Variants in SGPP1 observed in about 807,000 individuals in gnomAD.
The protein encoded by SGPP1 is hSPP1.
In SGPP1, 21 loss-of-function variants were observed where a neutral mutation model predicts 33.0. That is an observed-to-expected ratio of 0.64 (90% CI 0.45 to 0.92). SGPP1 has a LOEUF of 0.92. SGPP1 is among the 40% of genes least tolerant of loss of function. The probability of loss-of-function intolerance (pLI) is 0.00; values close to 1 mark genes in which losing one functional copy is unlikely to be tolerated. For synonymous variants in SGPP1, 239 were observed against 241.2 expected, an observed-to-expected ratio of 0.99 and a Z score of 0.08; for missense variants, 543 against 589.4, an observed-to-expected ratio of 0.92 and a Z score of 0.81.
At chr14:63,715,446 A>C (rs935433722) in intron 1 of SGPP1, among the ~76,000 whole-genome samples, 9 of 152,186 alleles carry the variant, frequency 5.9e-5, no homozygotes, top group African/African-American at 2.2e-4. Flanking sequence ...TGACTTATGA[A>C]GCATTCTGTT....
rs374359664 is a variant in SGPP1, at chr14:63,693,090, G to C, written c.774+5479C>G. Among the ~76,000 whole-genome samples the C allele has an allele frequency of 3.3e-3, 497 of 152,160 alleles. 1 individual carries two copies. Among genetic ancestry groups the C allele is most frequent in the African/African-American group, 0.012 (478 of 41,496 alleles). ...ACCACAGGCACACACCACCACACCT[G>C]GCTAACTTCTTGTATTTTTTTTTAT... is the stretch of plus-strand genomic sequence containing the variant. On this transcript the variant is annotated intron_variant, in intron 2 of 2. Coordinates refer to ENST00000247225, the MANE Select transcript of SGPP1 (RefSeq NM_030791.4).
At chr14:63,717,742 A>G (rs183490662) in intron 1 of SGPP1, among the ~76,000 whole-genome samples, 120 of 152,346 alleles carry the variant, frequency 7.9e-4, no homozygotes, top group Middle Eastern at 6.8e-3. Flanking sequence ...ATTCAAGCTC[A>G]ATGACCTCAA....
At chr14:63,697,323 A>C (rs1248372473) in intron 2 of SGPP1, among the ~76,000 whole-genome samples, 1 of 152,182 alleles carries the variant, frequency 6.6e-6, no homozygotes, top group Non-Finnish European at 1.5e-5. Context: ...TGAGATAGAA[A>C]CCAACATTTC....
At chr14:63,717,979 T>A (rs962812726) in intron 1 of SGPP1, among the ~76,000 whole-genome samples, 2 of 152,216 alleles carry the variant, frequency 1.3e-5, no homozygotes, top group East Asian at 3.9e-4. Context: ...GGCACAGTGG[T>A]TTACAACTGT....
At chr14:63,722,107 C>T (rs1278779286) in intron 1 of SGPP1, among the ~76,000 whole-genome samples, 1 of 152,136 alleles carries the variant, frequency 6.6e-6, no homozygotes, top group Admixed American at 6.6e-5. Context: ...AATATAACCT[C>T]CCTGTACCTC....
intron 1 of SGPP1, among the ~76,000 whole-genome samples, chr14:63,706,282 C>T (rs985512557): frequency 1.3e-5 from 2 of 152,032 alleles, no homozygotes; most frequent in Non-Finnish European, 2.9e-5. Flanking sequence ...GAGAGAGAAA[C>T]GGGGAGCCAA....
At chr14:63,708,198 A>G (rs1885452902) in intron 1 of SGPP1, among the ~76,000 whole-genome samples, 1 of 142,414 alleles carries the variant, frequency 7.0e-6, no homozygotes, top group South Asian at 2.2e-4. Flanking sequence ...TTCTATTCCT[A>G]CCTAACCCAA....
At chr14:63,719,852 T>C (rs1385123611) in intron 1 of SGPP1, among the ~76,000 whole-genome samples, 6 of 151,268 alleles carry the variant, frequency 4.0e-5, no homozygotes, top group African/African-American at 7.3e-5. Flanking sequence ...CGGTGGCTCA[T>C]GCCTGTAATC....
intron 1 of SGPP1, among the ~76,000 whole-genome samples, chr14:63,722,473 G>A (rs1885791252): frequency 1.3e-5 from 2 of 151,626 alleles, no homozygotes; most frequent in African/African-American, 4.8e-5. Context: ...AGAGGTTGCA[G>A]TGAGCCAATA....
chr14:63,692,835 G>A (rs1885114581), intron 2 of SGPP1, among the ~76,000 whole-genome samples: 1 of 152,078 alleles, frequency 6.6e-6, no homozygotes, highest in Admixed American at 6.6e-5. Flanking sequence ...CTGATCAACT[G>A]GATTTTATTT....
chr14:63,719,395 A>T (rs1436647103), intron 1 of SGPP1, among the ~76,000 whole-genome samples: 1 of 152,046 alleles, frequency 6.6e-6, no homozygotes, highest in Non-Finnish European at 1.5e-5. Context: ...AAAGCATAGG[A>T]AACCAGATAC....
intron 1 of SGPP1, among the ~76,000 whole-genome samples, chr14:63,705,070 T>TG (rs1401511518): frequency 6.6e-6 from 1 of 151,416 alleles, no homozygotes; most frequent in African/African-American, 2.4e-5. Flanking sequence ...GGGGTTGCAG[T>TG]GAGCCGAGAT....
chr14:63,725,314 C>T (rs1885856951), intron 1 of SGPP1, among the ~76,000 whole-genome samples: 1 of 152,116 alleles, frequency 6.6e-6, no homozygotes, highest in Admixed American at 6.5e-5. Flanking sequence ...GCAGAGGTTG[C>T]AGTGAGCCGA....
chr14:63,726,886 G>C (rs1268940130), intron 1 of SGPP1, among the ~76,000 whole-genome samples: 1 of 152,154 alleles, frequency 6.6e-6, no homozygotes, highest in Non-Finnish European at 1.5e-5. Context: ...ATATTACGGT[G>C]AAACTGGGTC....
intron 1 of SGPP1, among the ~76,000 whole-genome samples, chr14:63,720,141 A>C (rs1885740179): frequency 1.3e-5 from 2 of 151,176 alleles, no homozygotes; most frequent in Admixed American, 6.6e-5. Flanking sequence ...AAAAAAAAAA[A>C]AACATGCTGG....
At chr14:63,697,985 G>T (rs1219402215) in intron 2 of SGPP1, among the ~76,000 whole-genome samples, 7 of 152,206 alleles carry the variant, frequency 4.6e-5, no homozygotes, top group African/African-American at 1.7e-4. Context: ...AGCTAAGGGG[G>T]TGTCAATAGG....
intron 1 of SGPP1, among the ~76,000 whole-genome samples, chr14:63,717,135 A>G (rs1885647641): frequency 6.6e-6 from 1 of 152,120 alleles, no homozygotes; most frequent in African/African-American, 2.4e-5. Context: ...ACCCTATCCT[A>G]CTTGATAAAA....
intron 1 of SGPP1, among the ~76,000 whole-genome samples, chr14:63,701,147 T>C (rs1344266109): frequency 6.6e-6 from 1 of 151,978 alleles, no homozygotes; most frequent in Non-Finnish European, 1.5e-5. Flanking sequence ...TCCAGCTGAT[T>C]TTTTAAAAAA....
At position 63,685,969 on chromosome 14, in the gene SGPP1, T is replaced by TCTTATGAATTTA. The variant is rs1884963112; in HGVS notation, c.*124_*135dup. ...ATGTGCAATGATAAAATGCACTGAC[T>TCTTATGAATTTA]CTTATGAATTTACTTAAATAATTAT... On this transcript the variant is annotated 3_prime_UTR_variant, in exon 3 of 3. Transcript: ENST00000247225. 2 of 560,402 alleles carry TCTTATGAATTTA rather than the reference T, an allele frequency of 3.6e-6. No individual in the cohort carries two copies. Among genetic ancestry groups the TCTTATGAATTTA allele is most frequent in the Non-Finnish European group, 6.2e-6 (2 of 324,362 alleles). The allele number at this position is 560,402 out of a possible 1,614,324, so 34.7% of individuals were successfully genotyped here.
Sources: allele counts gnomAD v4.1 joint callset (sites outside exome capture counted in the v4.1 genomes callset), GRCh38; gene constraint gnomAD v4.1.1; transcripts MANE v1.5; gene names NCBI Gene and HGNC (gene_info 2026-07-23, HGNC 2026-07-21).